LRGUK: variants seen among roughly 807,000 people sequenced by gnomAD.
The protein encoded by LRGUK is leucine rich repeats and guanylate kinase domain containing, also known as leucine-rich repeat and guanylate kinase domain-containing protein.
Under a neutral mutation model 76.0 loss-of-function variants are expected in LRGUK, and 65 were observed. The observed-to-expected ratio is 0.85, with a 90% CI of 0.70 to 1.05. The LOEUF (loss-of-function observed/expected upper bound fraction) is 1.05, where lower values mean the gene tolerates loss of function less well. Ranked by LOEUF, LRGUK falls within the 50% of genes least tolerant of loss-of-function variation. The pLI, the probability that LRGUK is intolerant of heterozygous loss-of-function variation, is 0.00. For synonymous variants in LRGUK, 268 were observed against 265.6 expected (o/e 1.01, Z -0.09); for missense variants, 758 against 732.8 (o/e 1.03, Z -0.40).
chr7:134,178,677 CT>C (rs774463914), intron 10 of LRGUK, 68 bp downstream of exon 10: 21 of 1,230,080 alleles, frequency 1.7e-5, no homozygotes, highest in African/African-American at 4.5e-5. Context: ...ATCACTTCCC[CT>C]AACCCCTATT....
At chr7:134,161,746 AG>A (rs1227286368) in intron 6 of LRGUK, among the ~76,000 whole-genome samples, 1 of 141,082 alleles carries the variant, frequency 7.1e-6, no homozygotes, top group Non-Finnish European at 1.5e-5. Context: ...GCTGGAGTGC[AG>A]TGGCACGATC....
chr7:134,170,301 A>T (rs1221947787), intron 7 of LRGUK, among the ~76,000 whole-genome samples: 8 of 152,132 alleles, frequency 5.3e-5, no homozygotes, highest in African/African-American at 1.9e-4. Context: ...TATTATTTTT[A>T]AAATTTTTAT....
chr7:134,145,504 C>T (rs1434972338), intron 4 of LRGUK, among the ~76,000 whole-genome samples: 1 of 152,204 alleles, frequency 6.6e-6, no homozygotes, highest in Non-Finnish European at 1.5e-5. Flanking sequence ...GCCTTGGCCT[C>T]CCAAAGTGCT....
At chr7:134,203,734 G>A (rs1800884534) in intron 15 of LRGUK, among the ~76,000 whole-genome samples, 1 of 152,164 alleles carries the variant, frequency 6.6e-6, no homozygotes, top group Admixed American at 6.5e-5. Context: ...TAGATTGGGA[G>A]CATGTCAGTG....
In LRGUK at chr7:134,184,744, G is replaced by A. The variant is rs369559029; in HGVS notation, c.1334+891G>A. Among the ~76,000 whole-genome samples, 10 of 152,162 alleles carry A rather than the reference G, an allele frequency of 6.6e-5. No individual in the cohort carries two copies. The East Asian group carries it at 1.2e-3, about 18-fold the overall frequency. On this transcript the variant is annotated intron_variant, in intron 11 of 15. Transcript: ENST00000645682. The stretch of plus-strand genomic sequence containing the variant: ...TGGCTTCTTTGCCACTTATTATACT[G>A]TGATATACACTGTATTTTTTTTAAC...
chr7:134,255,854 T>C (rs1016049389), intron 18 of LRGUK, among the ~76,000 whole-genome samples: 1 of 152,138 alleles, frequency 6.6e-6, no homozygotes, highest in African/African-American at 2.4e-5. Flanking sequence ...GGTCTCAGCA[T>C]GATTCCTTGC....
At chr7:134,218,563 G>GT (rs1441774565) in intron 15 of LRGUK, among the ~76,000 whole-genome samples, 1 of 152,102 alleles carries the variant, frequency 6.6e-6, no homozygotes, top group Non-Finnish European at 1.5e-5. Context: ...CCCCCAAATG[G>GT]TAAGTTCATC....
chr7:134,157,353 C>T (rs2116907121), intron 5 of LRGUK, among the ~76,000 whole-genome samples: 1 of 152,242 alleles, frequency 6.6e-6, no homozygotes, highest in African/African-American at 2.4e-5. Context: ...GCATGTTGCC[C>T]CTGCAGGGTG....
intron 15 of LRGUK, among the ~76,000 whole-genome samples, chr7:134,202,384 A>G (rs7808999): frequency 0.19 from 28,798 of 151,932 alleles, 3,972 homozygotes; most frequent in East Asian, 0.53. Context: ...CTTGTGTGCT[A>G]TTGGCAGGAG....
At chr7:134,217,021 C>G (rs1054041109) in intron 15 of LRGUK, among the ~76,000 whole-genome samples, 4 of 152,144 alleles carry the variant, frequency 2.6e-5, no homozygotes, top group African/African-American at 9.7e-5. Flanking sequence ...ATCATTGCTA[C>G]CTCTTTTCTT....
chr7:134,132,128 G>C (rs763592493), intron 1 of LRGUK, among the ~76,000 whole-genome samples: 4 of 152,262 alleles, frequency 2.6e-5, no homozygotes, highest in African/African-American at 4.8e-5. Context: ...CAGGAAGATG[G>C]CTTGAGGCCA....
chr7:134,177,612 G>T (rs1255990283), intron 9 of LRGUK, among the ~76,000 whole-genome samples: 1 of 152,130 alleles, frequency 6.6e-6, no homozygotes, highest in Non-Finnish European at 1.5e-5. Context: ...CATACTCATG[G>T]TCACTGCTTT....
At chr7:134,134,475 T>G (rs928927542) in intron 1 of LRGUK, among the ~76,000 whole-genome samples, 1 of 152,130 alleles carries the variant, frequency 6.6e-6, no homozygotes. Flanking sequence ...AGGAGAGACA[T>G]GATACTGCCA....
chr7:134,180,385 T>A (rs1242341058), intron 10 of LRGUK, among the ~76,000 whole-genome samples: 3 of 152,176 alleles, frequency 2.0e-5, no homozygotes, highest in Admixed American at 6.5e-5. Context: ...TCTATCTGTC[T>A]GTTTGGGTAG....
At chr7:134,191,871 GA>G in intron 12 of LRGUK, 120 bp downstream of exon 12, 1 of 615,090 alleles carries the variant, frequency 1.6e-6, no homozygotes, top group Non-Finnish European at 2.7e-6. Flanking sequence ...TATGAGAGGT[GA>G]GTTTTTATGG....
At chr7:134,164,186 T>A (rs978970764) in intron 7 of LRGUK, among the ~76,000 whole-genome samples, 2 of 152,214 alleles carry the variant, frequency 1.3e-5, no homozygotes, top group African/African-American at 2.4e-5. Context: ...ACATGATGAT[T>A]TGATGAATTT....
intron 10 of LRGUK, among the ~76,000 whole-genome samples, chr7:134,179,905 A>G (rs886364385): frequency 7.9e-5 from 12 of 152,190 alleles, no homozygotes; most frequent in African/African-American, 2.9e-4. Flanking sequence ...TCAGCACCAG[A>G]AGTCAGGATC....
intron 16 of LRGUK, among the ~76,000 whole-genome samples, chr7:134,224,558 G>A (rs1376771258): frequency 2.0e-5 from 3 of 152,160 alleles, no homozygotes; most frequent in African/African-American, 7.2e-5. Flanking sequence ...TGAAGGGTGG[G>A]AGGAGGGAGA....
At chr7:134,188,651 G>A (rs930010412) in intron 11 of LRGUK, among the ~76,000 whole-genome samples, 1 of 152,120 alleles carries the variant, frequency 6.6e-6, no homozygotes, top group African/African-American at 2.4e-5. Flanking sequence ...TGTCCAGCAA[G>A]CTATTGACAT....
Sources: gnomAD v4.1 joint callset for allele counts (sites outside exome capture counted in the v4.1 genomes callset) on GRCh38, gnomAD v4.1.1 for gene constraint, MANE v1.5 for transcripts, NCBI Gene and HGNC (gene_info 2026-07-23, HGNC 2026-07-21) for gene names.